Variants in SPATS2L observed in about 807,000 individuals in gnomAD.
SPATS2L encodes the protein spermatogenesis associated serine rich 2 like.
Under a neutral mutation model 59.6 loss-of-function variants are expected in SPATS2L, and 30 were observed. That is an observed-to-expected ratio of 0.50 (90% CI 0.38 to 0.68). The LOEUF (loss-of-function observed/expected upper bound fraction) is 0.68, where lower values mean the gene tolerates loss of function less well. SPATS2L is among the 30% of genes least tolerant of loss of function. The pLI, the probability that SPATS2L is intolerant of heterozygous loss-of-function variation, is 0.00. For missense variants in SPATS2L, 615 were observed against 700.0 expected (o/e 0.88, Z 1.37); for synonymous variants, 252 against 263.5 (o/e 0.96, Z 0.42).
At chr2:200,340,321 C>A (rs1477554309) in intron 2 of SPATS2L, among the ~76,000 whole-genome samples, 1 of 152,184 alleles carries the variant, frequency 6.6e-6, no homozygotes. Context: ...GTTTTTTCTG[C>A]AAATCCTGTG....
chr2:200,350,242 T>G (rs1321597194), intron 2 of SPATS2L, among the ~76,000 whole-genome samples: 1 of 152,168 alleles, frequency 6.6e-6, no homozygotes, highest in African/African-American at 2.4e-5. Flanking sequence ...TGTGGGCCCT[T>G]AAGTCTCAGT....
chr2:200,328,296 G>A (rs1277507575), intron 1 of SPATS2L, among the ~76,000 whole-genome samples: 1 of 152,092 alleles, frequency 6.6e-6, no homozygotes, highest in African/African-American at 2.4e-5. Flanking sequence ...TGTAGGCTGT[G>A]TCCTGTGTTA....
chr2:200,395,740 C>G (rs2082308866), intron 3 of SPATS2L, among the ~76,000 whole-genome samples: 1 of 151,726 alleles, frequency 6.6e-6, no homozygotes, highest in African/African-American at 2.4e-5. Context: ...TTGTTTGAGG[C>G]CTGGCATGGT....
At chr2:200,312,814 T>C (rs1001411927) in intron 1 of SPATS2L, among the ~76,000 whole-genome samples, 1 of 152,208 alleles carries the variant, frequency 6.6e-6, no homozygotes, top group African/African-American at 2.4e-5. Flanking sequence ...ACACTAGGAT[T>C]AATACTTTAA....
chr2:200,348,963 T>A (rs2080618085), intron 2 of SPATS2L, among the ~76,000 whole-genome samples: 3 of 152,196 alleles, frequency 2.0e-5, no homozygotes, highest in African/African-American at 7.2e-5. Context: ...GCTTTTACTT[T>A]CTTGTGTAGA....
chr2:200,455,338 T>C (rs1308496730), intron 8 of SPATS2L, among the ~76,000 whole-genome samples: 3 of 152,162 alleles, frequency 2.0e-5, no homozygotes, highest in African/African-American at 7.2e-5. Context: ...GACTCAGAGC[T>C]GATTAGATGA....
At chr2:200,443,526 C>T (rs901496337) in intron 8 of SPATS2L, among the ~76,000 whole-genome samples, 3 of 152,142 alleles carry the variant, frequency 2.0e-5, no homozygotes, top group African/African-American at 7.2e-5. Flanking sequence ...GATGTCACCG[C>T]ATGTGGTGCA....
chr2:200,433,287 T>G lies in SPATS2L; in HGVS notation c.446-5835T>G, dbSNP rs922024842. On this transcript the variant is annotated intron_variant, in intron 6 of 12. Coordinates refer to ENST00000409140, the MANE Select transcript of SPATS2L (RefSeq NM_001100423.2). The stretch of plus-strand genomic sequence containing the variant: ...ATAGAACATATAGATTAAAAATCAG[T>G]AAGAACATAGACGATTTGAACAATA... Among the ~76,000 whole-genome samples the G allele has an allele frequency of 2.6e-5, 4 of 152,132 alleles. No homozygotes were observed. The Middle Eastern group carries it at 0.01, about 388-fold the overall frequency.
chr2:200,354,258 CCT>C (rs909033282), intron 2 of SPATS2L, among the ~76,000 whole-genome samples: 2 of 152,032 alleles, frequency 1.3e-5, no homozygotes, highest in African/African-American at 4.8e-5. Context: ...TTAACTTTAC[CCT>C]GTGATCCTAG....
intron 1 of SPATS2L, among the ~76,000 whole-genome samples, chr2:200,319,124 G>A (rs1452576934): frequency 8.5e-5 from 13 of 152,114 alleles, no homozygotes; most frequent in Non-Finnish European, 1.9e-4. Context: ...CTGTGTGGTC[G>A]CTCTTCAAAT....
chr2:200,452,848 C>A (rs1178191136), intron 8 of SPATS2L, among the ~76,000 whole-genome samples: 1 of 151,652 alleles, frequency 6.6e-6, no homozygotes, highest in Non-Finnish European at 1.5e-5. Context: ...ACTGTTAAAC[C>A]CAATAAATCT....
chr2:200,423,522 T>C (rs1380010178), intron 6 of SPATS2L, among the ~76,000 whole-genome samples: 1 of 152,074 alleles, frequency 6.6e-6, no homozygotes, highest in Non-Finnish European at 1.5e-5. Context: ...CTCTCTGTAG[T>C]TTGCAAAAGG....
At chr2:200,468,570 C>CCTGAGGGTG (rs2086794058) in intron 10 of SPATS2L, among the ~76,000 whole-genome samples, 2 of 152,314 alleles carry the variant, frequency 1.3e-5, no homozygotes, top group South Asian at 4.1e-4. Flanking sequence ...GAGGACCTCA[C>CCTGAGGGTG]CTGAGGGTGC....
chr2:200,462,078 T>G (rs2086277550), intron 9 of SPATS2L, among the ~76,000 whole-genome samples: 1 of 152,224 alleles, frequency 6.6e-6, no homozygotes, highest in Admixed American at 6.5e-5. Flanking sequence ...ATACACAACT[T>G]GGGATTTTCC....
At chr2:200,442,728 C>T (rs1382457652) in intron 8 of SPATS2L, among the ~76,000 whole-genome samples, 1 of 152,126 alleles carries the variant, frequency 6.6e-6, no homozygotes, top group Non-Finnish European at 1.5e-5. Context: ...GTAAAATGAA[C>T]ATCACATGGG....
chr2:200,456,178 C>A (rs1309332522), intron 8 of SPATS2L, among the ~76,000 whole-genome samples: 1 of 152,228 alleles, frequency 6.6e-6, no homozygotes, highest in African/African-American at 2.4e-5. Flanking sequence ...CCTGGGCTGG[C>A]CCCTGATCTT....
intron 1 of SPATS2L, among the ~76,000 whole-genome samples, chr2:200,323,335 C>T (rs2079626511): frequency 6.6e-6 from 1 of 152,016 alleles, no homozygotes; most frequent in South Asian, 2.1e-4. Context: ...TTGGTTCACC[C>T]AAAAGTTTGC....
intron 8 of SPATS2L, among the ~76,000 whole-genome samples, chr2:200,454,072 G>C (rs563592470): frequency 2.6e-5 from 4 of 152,186 alleles, no homozygotes; most frequent in African/African-American, 9.7e-5. Context: ...CCCACAAGAA[G>C]GTTCTGCAGC....
intron 8 of SPATS2L, among the ~76,000 whole-genome samples, chr2:200,453,906 A>G (rs1352444913): frequency 6.6e-6 from 1 of 152,174 alleles, no homozygotes; most frequent in Non-Finnish European, 1.5e-5. Context: ...AGGCTGAAAT[A>G]TTCATTAGCA....
Sources: gnomAD v4.1 joint callset for allele counts (sites outside exome capture counted in the v4.1 genomes callset) on GRCh38, gnomAD v4.1.1 for gene constraint, MANE v1.5 for transcripts, NCBI Gene and HGNC (gene_info 2026-07-23, HGNC 2026-07-21) for gene names.